Variants in HSP90B1 observed in about 807,000 individuals in gnomAD.
HSP90B1 encodes endoplasmin.
HSP90B1 carries 27 observed loss-of-function variants against 100.4 expected under a neutral mutation model. That is an observed-to-expected ratio of 0.27 (90% CI 0.20 to 0.37). The LOEUF (loss-of-function observed/expected upper bound fraction) is 0.37. Ranked by LOEUF, HSP90B1 falls within the 10% of genes least tolerant of loss-of-function variation. HSP90B1 has a pLI of 1.00. For missense variants in HSP90B1, 678 were observed against 960.5 expected (o/e 0.71, Z 3.89); for synonymous variants, 304 against 330.8 (o/e 0.92, Z 0.88).
At position 103,930,608 on chromosome 12, in the gene HSP90B1, G is replaced by T; in HGVS notation, c.49+44G>T. On this transcript the variant is annotated intron_variant, in intron 1 of 17. Transcript: ENST00000299767. This position sits in a 1 kb window ranked among gnomAD's most constrained non-coding sequence, Gnocchi z 4.4. ...GCAGACGTCCCCCCTCCACACACGC[G>T]GCCGCTTCTCGAAGGTCCTGGGGGC... The T allele has an allele frequency of 6.3e-7, 1 of 1,575,178 alleles. No homozygotes were observed. The highest frequency in any genetic ancestry group is 1.8e-5 in the Admixed American group (1 of 54,770).
intron 8 of HSP90B1, among the ~76,000 whole-genome samples, chr12:103,939,858 C>T (rs746156968): frequency 1.4e-4 from 22 of 152,226 alleles, no homozygotes; most frequent in Non-Finnish European, 2.6e-4. Context: ...ATTGACACCT[C>T]AGTAGAGATG....
chr12:103,937,467 T>A (rs1475009238), intron 5 of HSP90B1, among the ~76,000 whole-genome samples: 1 of 152,228 alleles, frequency 6.6e-6, no homozygotes, highest in Non-Finnish European at 1.5e-5. Context: ...TACTTAAAAC[T>A]AAGGTTATTC....
chr12:103,932,126 T>C (rs1869782865), intron 2 of HSP90B1, 151 bp from the exon 3 acceptor site: 1 of 577,292 alleles, frequency 1.7e-6, no homozygotes, highest in Non-Finnish European at 3.0e-6. Flanking sequence ...TGTGCTAACA[T>C]AATGAGACGG....
At chr12:103,934,393 G>A (rs1869846918) in intron 5 of HSP90B1, 106 bp downstream of exon 5, 1 of 917,498 alleles carries the variant, frequency 1.1e-6, no homozygotes, top group African/African-American at 1.7e-5. Context: ...TAATTTTCCT[G>A]CCTTATAAAA....
rs776256122 is a variant in HSP90B1, at chr12:103,946,606, A to G, written c.2028-12A>G. ...ATATGTTTTGTTAATGTTCATTTTTATCTCTTAACAGTTACTATGCGAGTC... is the reference window on the plus strand; with the variant it reads ...ATATGTTTTGTTAATGTTCATTTTTGTCTCTTAACAGTTACTATGCGAGTC... On this transcript the variant is annotated splice_polypyrimidine_tract_variant and intron_variant, in intron 14 of 17. Coordinates refer to ENST00000299767, the MANE Select transcript of HSP90B1 (RefSeq NM_003299.3). The G allele has an allele frequency of 1.9e-6, 3 of 1,594,334 alleles. No homozygotes were observed. Among genetic ancestry groups the G allele is most frequent in the Admixed American group, 3.3e-5 (2 of 59,762 alleles).
Position 103,943,933 on chromosome 12 carries a change from G to T in HSP90B1, c.2027+59G>T. On this transcript the variant is annotated intron_variant, in intron 14 of 17. Transcript: ENST00000299767. The surrounding 1 kb of genome is among the most constrained non-coding windows in gnomAD (Gnocchi z 5.3). The stretch of plus-strand genomic sequence containing the variant: ...TTGCCCCTTACCCAATCTTTGTTTT[G>T]GAGATAATACCAGCTTCAATACAAA... 6.6e-7 allele frequency: 1 copy of T among 1,520,154 alleles called. No individual in the cohort carries two copies. The highest frequency in any genetic ancestry group is 2.3e-5 in the East Asian group (1 of 43,160). The allele number at this position is 1,520,154 out of a possible 1,614,324, so 94.2% of individuals were successfully genotyped here.
rs1258609734 is a variant in HSP90B1 at position 103,943,700 on chromosome 12, TTGA to T, written c.1891-36_1891-34del. ...GACAATTGCTCAATGACCTTACCTG[TTGA>T]TATTAATTTATATGACTTGATTTCT... On this transcript the variant is annotated intron_variant, in intron 13 of 17. Transcript: ENST00000299767. The surrounding 1 kb of genome is among the most constrained non-coding windows in gnomAD (Gnocchi z 5.3). 1 of 1,593,462 alleles carries T rather than the reference TTGA, an allele frequency of 6.3e-7. No individual in the cohort carries two copies. Among genetic ancestry groups the T allele is most frequent in the Non-Finnish European group, 8.6e-7 (1 of 1,167,740 alleles).
At chr12:103,938,505 T>G (rs1284678103) in intron 7 of HSP90B1, 46 bp downstream of exon 7, 1 of 1,577,050 alleles carries the variant, frequency 6.3e-7, no homozygotes, top group Admixed American at 1.9e-5. Context: ...TTAACATGTA[T>G]AGGCAAAACC....
chr12:103,933,019 A>C (rs1869811450), intron 4 of HSP90B1, 77 bp downstream of exon 4: 1 of 773,250 alleles, frequency 1.3e-6, no homozygotes, highest in African/African-American at 1.7e-5. Context: ...CAGTCAAGAT[A>C]GGCTAGATTA....
In HSP90B1 at chr12:103,931,525, G is replaced by C. The variant is rs781107801; in HGVS notation, c.54G>C (p.Ser18=). 69 of 1,611,896 alleles carry C rather than the reference G, an allele frequency of 4.3e-5. No homozygotes were observed. The Admixed American group carries it at 6.0e-4, about 14-fold the overall frequency. ...GLCCVLLTFG[S]VRADDEVDVD... ...TTGCCCGTGTTAAATCTTCAGGGTC[G>C]GTCAGAGCTGACGATGAAGTTGATG... Residue 18 remains serine (S), a synonymous_variant, in exon 2 of 18, where the codon TCG becomes TCC. Transcript: ENST00000299767.
In HSP90B1 at chr12:103,941,827, T is replaced by C. The variant is rs565409561; in HGVS notation, c.1309-5T>C. 6 of 1,613,852 alleles carry C rather than the reference T, an allele frequency of 3.7e-6. No homozygotes were observed. In the African/African-American group the frequency reaches 6.7e-5, roughly 18 times the overall value. ...GCTCACTGAACTTTCTTTTGCCATC[T>C]GAAGGTGGACTCAGATGATCTCCCC... On this transcript the variant is annotated splice_region_variant and splice_polypyrimidine_tract_variant and intron_variant, in intron 10 of 17. Coordinates refer to ENST00000299767, the MANE Select transcript of HSP90B1 (RefSeq NM_003299.3).
At chr12:103,934,710 A>C (rs1262655510) in intron 5 of HSP90B1, among the ~76,000 whole-genome samples, 3 of 152,054 alleles carry the variant, frequency 2.0e-5, no homozygotes, top group Non-Finnish European at 2.9e-5. Context: ...TTATTTATTT[A>C]TTTATTTTGA....
chr12:103,936,059 T>C (rs559151762), intron 5 of HSP90B1, among the ~76,000 whole-genome samples: 1 of 152,346 alleles, frequency 6.6e-6, no homozygotes, highest in African/African-American at 2.4e-5. Context: ...TTAACATACA[T>C]TTTCTCCAAG....
intron 5 of HSP90B1, among the ~76,000 whole-genome samples, chr12:103,936,918 G>A (rs1018409601): frequency 6.6e-6 from 1 of 152,118 alleles, no homozygotes; most frequent in Non-Finnish European, 1.5e-5. Context: ...CTAAACTAAT[G>A]AGCCTTTTGA....
intron 5 of HSP90B1, among the ~76,000 whole-genome samples, chr12:103,936,726 CTG>C (rs1048480486): frequency 2.0e-5 from 3 of 151,850 alleles, no homozygotes; most frequent in African/African-American, 7.3e-5. Flanking sequence ...CTACTGGGCT[CTG>C]TGTTCATGTG....
chr12:103,935,386 A>G (rs1275350523), intron 5 of HSP90B1, among the ~76,000 whole-genome samples: 1 of 152,132 alleles, frequency 6.6e-6, no homozygotes, highest in Non-Finnish European at 1.5e-5. Flanking sequence ...AGGAAATTCT[A>G]TTTCAGAGGT....
rs778953037 is a variant in HSP90B1 at position 103,947,820 on chromosome 12, T to G, written c.*158T>G. ...TCACAGGAAAAAGTGGGTTTTTTAG[T>G]TGAATTTTTTTTAACATTCCTCATG... On this transcript the variant is annotated 3_prime_UTR_variant, in exon 18 of 18. Transcript: ENST00000299767. 2 of 687,750 alleles carry G rather than the reference T, an allele frequency of 2.9e-6. No homozygotes were observed. Among genetic ancestry groups the G allele is most frequent in the South Asian group, 3.3e-5 (2 of 61,348 alleles). 42.6% of individuals were successfully genotyped at this position (687,750 alleles called of 1,614,324 possible).
At position 103,941,505 on chromosome 12, in the gene HSP90B1, T is replaced by A; in HGVS notation, c.1188T>A (p.Gly396=). 6.2e-7 allele frequency: 1 copy of A among 1,614,106 alleles called. No homozygotes were observed. The highest frequency in any genetic ancestry group is 8.5e-7 in the Non-Finnish European group (1 of 1,179,998). ...TTGTACCCACATCTGCTCCACGTGG[T>A]CTGTTTGACGAATATGGATCTAAAA... ...ILFVPTSAPR[G]LFDEYGSKKS... The change falls in exon 9 of 18, where the codon GGT becomes GGA. Residue 396 remains glycine (G), a synonymous_variant. Coordinates refer to ENST00000299767, the MANE Select transcript of HSP90B1 (RefSeq NM_003299.3).
rs755932488 is a variant in HSP90B1 at position 103,939,590 on chromosome 12, G to A, written c.1057G>A (p.Asp353Asn). ...GAGACCATCAAAAGAAGTAGAAGAA[G>A]ATGAATACAAAGCTTTCTACAAATC... ...WQRPSKEVEE[D>N]EYKAFYKSFS... The change falls in exon 8 of 18, where the codon GAT becomes AAT. Residue 353 changes from aspartate (D) to asparagine (N), a missense_variant. This residue lies in a region of HSP90B1 where 238 missense variants were observed against 346.7 expected (regional missense o/e 0.69). Transcript: ENST00000299767. The A allele has an allele frequency of 2.6e-6, 4 of 1,568,260 alleles. No individual in the cohort carries two copies. Among genetic ancestry groups the A allele is most frequent in the African/African-American group, 1.4e-5 (1 of 72,936 alleles).
Sources: gnomAD v4.1 joint callset for allele counts (sites outside exome capture counted in the v4.1 genomes callset) on GRCh38, gnomAD v4.1.1 for gene constraint, gnomAD v4.1.1 regional missense constraint, Gnocchi (gnomAD v3.1) non-coding constraint, MANE v1.5 for transcripts, NCBI Gene and HGNC (gene_info 2026-07-23, HGNC 2026-07-21) for gene names.